The following GOSR1 variants were observed in gnomAD, a reference collection of about 807,000 sequenced individuals.
The protein encoded by GOSR1 is 28 kDa Golgi SNARE protein.
In GOSR1, 21 loss-of-function variants were observed where a neutral mutation model predicts 35.5. The observed-to-expected ratio is 0.59, with a 90% CI of 0.42 to 0.85. The LOEUF (loss-of-function observed/expected upper bound fraction) is 0.85, where lower values mean the gene tolerates loss of function less well. Ranked by LOEUF, GOSR1 falls within the 40% of genes least tolerant of loss-of-function variation. The pLI, the probability that GOSR1 is intolerant of heterozygous loss-of-function variation, is 0.00. For missense variants in GOSR1, 285 were observed against 309.6 expected (o/e 0.92, Z 0.60); for synonymous variants, 94 against 106.6 (o/e 0.88, Z 0.73).
chr17:30,514,572 A>G (rs1381762551), intron 7 of GOSR1, among the ~76,000 whole-genome samples: 2 of 152,214 alleles, frequency 1.3e-5, no homozygotes, highest in African/African-American at 4.8e-5. Flanking sequence ...GCATGCTTCT[A>G]AAGTCCACAG....
intron 6 of GOSR1, among the ~76,000 whole-genome samples, chr17:30,507,822 T>C (rs951563790): frequency 2.6e-5 from 4 of 151,656 alleles, no homozygotes; most frequent in African/African-American, 9.7e-5. Flanking sequence ...AGGTGAGGAG[T>C]TGATTTTAAC....
chr17:30,477,719 G>A (rs1376589770), intron 1 of GOSR1: 9 of 985,196 alleles, frequency 9.1e-6, no homozygotes, highest in African/African-American at 1.7e-5. Context: ...GGATGTAGAG[G>A]AAGAGGGCTC....
At chr17:30,492,818 C>T in intron 6 of GOSR1, 65 bp downstream of exon 6, 1 of 937,178 alleles carries the variant, frequency 1.1e-6, no homozygotes, top group South Asian at 1.3e-5. Context: ...ACTTATGTAA[C>T]CAACATTTTA....
intron 7 of GOSR1, among the ~76,000 whole-genome samples, chr17:30,513,917 G>A (rs1967704302): frequency 6.6e-6 from 1 of 152,210 alleles, no homozygotes; most frequent in South Asian, 2.1e-4. Context: ...AGCCGTGCCT[G>A]CATGGCACAG....
chr17:30,520,199 T>C (rs1967973892), intron 8 of GOSR1, 178 bp downstream of exon 8: 2 of 488,664 alleles, frequency 4.1e-6, no homozygotes, highest in Non-Finnish European at 7.4e-6. Context: ...TTAGTACCAT[T>C]CCTAAAAGAC....
chr17:30,505,341 A>G (rs1475224137), intron 6 of GOSR1, among the ~76,000 whole-genome samples: 2 of 152,168 alleles, frequency 1.3e-5, no homozygotes, highest in Non-Finnish European at 2.9e-5. Context: ...TCAAAGATGT[A>G]GTGAGCTGTG....
chr17:30,519,892 C>A, intron 7 of GOSR1, 47 bp from the exon 8 acceptor site: 1 of 1,128,536 alleles, frequency 8.9e-7, no homozygotes, highest in Non-Finnish European at 1.3e-6. Flanking sequence ...TGGTTCCAGG[C>A]AGGATAATCT....
At chr17:30,494,505 T>A (rs1966919157) in intron 6 of GOSR1, among the ~76,000 whole-genome samples, 9 of 152,186 alleles carry the variant, frequency 5.9e-5, no homozygotes, top group Non-Finnish European at 1.5e-5. Flanking sequence ...TTTATGTAAT[T>A]GTTCTTTTTC....
chr17:30,505,556 C>T (rs1967369897), intron 6 of GOSR1, among the ~76,000 whole-genome samples: 2 of 152,344 alleles, frequency 1.3e-5, no homozygotes, highest in South Asian at 4.1e-4. Flanking sequence ...TTTCTAACAG[C>T]ATATGCTCAC....
chr17:30,507,093 G>A (rs1360953080), intron 6 of GOSR1, among the ~76,000 whole-genome samples: 1 of 152,196 alleles, frequency 6.6e-6, no homozygotes, highest in African/African-American at 2.4e-5. Context: ...CATGCCAGCC[G>A]ACACAGCATT....
intron 6 of GOSR1, among the ~76,000 whole-genome samples, chr17:30,505,724 G>A (rs1442220745): frequency 6.6e-6 from 1 of 152,024 alleles, no homozygotes; most frequent in Admixed American, 6.6e-5. Context: ...TGTATGTGTG[G>A]GGGTTTTTTT....
intron 6 of GOSR1, among the ~76,000 whole-genome samples, chr17:30,499,213 T>TACCA (rs1001690423): frequency 6.6e-6 from 1 of 152,234 alleles, no homozygotes; most frequent in African/African-American, 2.4e-5. Flanking sequence ...TTGTATGATA[T>TACCA]ACCACGATTT....
intron 4 of GOSR1, among the ~76,000 whole-genome samples, chr17:30,487,655 T>G (rs1203482695): frequency 6.6e-6 from 1 of 152,168 alleles, no homozygotes; most frequent in East Asian, 1.9e-4. Flanking sequence ...GAGTAAAAAT[T>G]TAAAAAGGGT....
Position 30,483,360 on chromosome 17 carries a change from A to G in GOSR1, c.147-854A>G, listed in dbSNP as rs189514604. 2.3e-4 allele frequency among the ~76,000 whole-genome samples: 35 copies of G among 152,302 alleles called. No individual in the cohort carries two copies. In the East Asian group the frequency reaches 3.9e-3, roughly 17 times the overall value. On this transcript the variant is annotated intron_variant, in intron 2 of 8. Transcript: ENST00000451249. ...CATTCATTTATTCAGCAGAAGTTTA[A>G]TGAGCATCTACTATGTGCCAGGCTG...
At chr17:30,491,599 C>T (rs1915047585) in intron 5 of GOSR1, among the ~76,000 whole-genome samples, 1 of 151,884 alleles carries the variant, frequency 6.6e-6, no homozygotes, top group Non-Finnish European at 1.5e-5. Flanking sequence ...GTGGAGGTTG[C>T]AGTGAGCTGT....
chr17:30,477,716 G>A, intron 1 of GOSR1: 1 of 985,342 alleles, frequency 1.0e-6, no homozygotes. Context: ...CGGGGATGTA[G>A]AGGAAGAGGG....
At chr17:30,502,426 G>C (rs181113329) in intron 6 of GOSR1, among the ~76,000 whole-genome samples, 9 of 152,326 alleles carry the variant, frequency 5.9e-5, no homozygotes, top group Admixed American at 5.9e-4. Context: ...AGGAGAACGG[G>C]TGTATAGTGT....
chr17:30,498,792 G>C (rs1000069182), intron 6 of GOSR1, among the ~76,000 whole-genome samples: 1 of 152,164 alleles, frequency 6.6e-6, no homozygotes, highest in African/African-American at 2.4e-5. Context: ...GAGCAGTGGG[G>C]GGGCTCTGAG....
chr17:30,507,753 C>T (rs1036028321), intron 6 of GOSR1, among the ~76,000 whole-genome samples: 2 of 150,780 alleles, frequency 1.3e-5, no homozygotes, highest in African/African-American at 2.4e-5. Flanking sequence ...AGTTAGAAAG[C>T]GGAGCCTGAA....
Sources: gnomAD v4.1 joint callset for allele counts (sites outside exome capture counted in the v4.1 genomes callset) on GRCh38, gnomAD v4.1.1 for gene constraint, MANE v1.5 for transcripts, NCBI Gene and HGNC (gene_info 2026-07-23, HGNC 2026-07-21) for gene names.